PECR: variants seen among roughly 807,000 people sequenced by gnomAD.
PECR encodes peroxisomal trans-2-enoyl-CoA reductase.
A neutral mutation model predicts 35.3 loss-of-function variants in PECR; 30 were observed. That is an observed-to-expected ratio of 0.85 (90% CI 0.64 to 1.15). The LOEUF (loss-of-function observed/expected upper bound fraction) is 1.15. Among genes scored for constraint, PECR ranks in the 50% most tolerant of loss-of-function variants. The pLI, the probability that PECR is intolerant of heterozygous loss-of-function variation, is 0.00. For missense variants in PECR, 392 were observed against 370.8 expected (o/e 1.06, Z -0.47); for synonymous variants, 148 against 138.9 (o/e 1.07, Z -0.46).
intron 1 of PECR, among the ~76,000 whole-genome samples, 175 bp downstream of exon 1, chr2:216,081,443 T>C (rs1453754800): frequency 1.3e-5 from 2 of 152,170 alleles, no homozygotes; most frequent in African/African-American, 4.8e-5. Flanking sequence ...CACAATTCCT[T>C]AGGAAGAGCT....
chr2:216,051,145 G>T (rs147511113), intron 5 of PECR, among the ~76,000 whole-genome samples: 2 of 151,574 alleles, frequency 1.3e-5, no homozygotes, highest in Non-Finnish European at 2.9e-5. Flanking sequence ...AATTAGCTGG[G>T]CATGGTGGCT....
At chr2:216,033,831 C>G (rs1284786159), downstream of PECR, 1 of 152,320 alleles carries the variant, frequency 6.6e-6, no homozygotes, top group Admixed American at 6.5e-5. Flanking sequence ...AAAGCTGAAA[C>G]TAACCCACAG....
At chr2:216,046,306 A>G (rs1170240669) in intron 6 of PECR, among the ~76,000 whole-genome samples, 6 of 115,498 alleles carry the variant, frequency 5.2e-5, no homozygotes, top group African/African-American at 2.4e-4. Flanking sequence ...ATATATATAT[A>G]TATATTTTTT....
intron 7 of PECR, among the ~76,000 whole-genome samples, chr2:216,042,827 GC>G (rs1285528598): frequency 6.6e-6 from 1 of 151,508 alleles, no homozygotes; most frequent in Non-Finnish European, 1.5e-5. Context: ...CATGATCTTG[GC>G]TCACTGCAAT....
chr2:216,047,604 T>C (rs1695020618), intron 6 of PECR, among the ~76,000 whole-genome samples: 2 of 152,252 alleles, frequency 1.3e-5, no homozygotes, highest in South Asian at 4.1e-4. Flanking sequence ...ATTTTTAATA[T>C]GTTTCATTAC....
intron 3 of PECR, among the ~76,000 whole-genome samples, chr2:216,062,593 T>C (rs1695378050): frequency 6.6e-6 from 1 of 152,200 alleles, no homozygotes; most frequent in Non-Finnish European, 1.5e-5. Flanking sequence ...GTCGGGACTT[T>C]AGGGCAGTCA....
At chr2:216,074,989 C>T (rs751482836) in intron 1 of PECR, among the ~76,000 whole-genome samples, 1 of 152,152 alleles carries the variant, frequency 6.6e-6, no homozygotes, top group Non-Finnish European at 1.5e-5. Context: ...CATTGAAAAA[C>T]ACAAGATATG....
chr2:216,041,546 AC>A (rs1694886764), intron 7 of PECR, among the ~76,000 whole-genome samples: 1 of 152,210 alleles, frequency 6.6e-6, no homozygotes, highest in Non-Finnish European at 1.5e-5. Flanking sequence ...TTGGTCTTCA[AC>A]CCCATCTCCC....
rs1170890806 is a variant in PECR at position 216,081,648 on chromosome 2, T to C, written c.94A>G (p.Lys32Glu). 2 of 1,613,582 alleles carry C rather than the reference T, an allele frequency of 1.2e-6. No individual in the cohort carries two copies. Among genetic ancestry groups the C allele is most frequent in the South Asian group, 2.2e-5 (2 of 91,078 alleles). ...IVTGGATGIG[K>E]AIVKELLELG... ...TCCAGGAGCTCCTTCACGATGGCTT[T>C]TCCGATGCCCGTGGCCCCGCCGGTG... is the stretch of plus-strand genomic sequence containing the variant. Residue 32 changes from lysine to glutamate, a missense_variant, in exon 1 of 8, where the codon AAA (lysine) becomes GAA (glutamate). Physicochemically the swap from Lys to Glu is moderately conservative, Grantham distance 56. Transcript: ENST00000265322.
At chr2:216,063,486 T>G (rs1397494232) in intron 3 of PECR, among the ~76,000 whole-genome samples, 3 of 151,818 alleles carry the variant, frequency 2.0e-5, no homozygotes, top group Non-Finnish European at 4.4e-5. Flanking sequence ...GATGTGGTGG[T>G]GAATGCCTGT....
At chr2:216,031,469 A>AAG (rs1559203881) in intron 7 of PECR, among the ~76,000 whole-genome samples, 4 of 126,580 alleles carry the variant, frequency 3.2e-5, no homozygotes, top group African/African-American at 1.2e-4. Context: ...GAAAGAAAGA[A>AAG]AGAAAGAGAA....
chr2:216,048,538 C>A (rs940088889), intron 6 of PECR, among the ~76,000 whole-genome samples: 1 of 151,582 alleles, frequency 6.6e-6, no homozygotes, highest in Non-Finnish European at 1.5e-5. Flanking sequence ...GGTGAAACTT[C>A]GCCTCTACTA....
Position 216,051,503 on chromosome 2 carries a change from T to C in PECR, c.549A>G (p.Lys183=), listed in dbSNP as rs1452596782. ...AARAGVYNLT[K]SLALEWACSG... ...TGCAGGCCCATTCCAAAGCTAAAGA[T>C]TTGGTGAGGTTGTAAACACCTGCTC... Residue 183 remains lysine (K), a synonymous_variant, in exon 5 of 8, where the codon AAA becomes AAG. Coordinates refer to ENST00000265322, the MANE Select transcript of PECR (RefSeq NM_018441.6). 2 of 1,613,360 alleles carry C rather than the reference T, an allele frequency of 1.2e-6. No homozygotes were observed. Among genetic ancestry groups the C allele is most frequent in the Non-Finnish European group, 1.7e-6 (2 of 1,179,318 alleles).
At chr2:216,074,035 A>C (rs563739697) in intron 1 of PECR, among the ~76,000 whole-genome samples, 1 of 152,372 alleles carries the variant, frequency 6.6e-6, no homozygotes, top group South Asian at 2.1e-4. Flanking sequence ...TAAGCACCCC[A>C]GGACAAGCCA....
intron 7 of PECR, among the ~76,000 whole-genome samples, chr2:216,031,879 T>C (rs1221781089): frequency 6.6e-6 from 1 of 152,206 alleles, no homozygotes; most frequent in Admixed American, 6.5e-5. Context: ...TTTATCTTCC[T>C]CCTCATCTTT....
At chr2:216,054,287 C>CA (rs1200177691) in intron 4 of PECR, among the ~76,000 whole-genome samples, 86 of 69,766 alleles carry the variant, frequency 1.2e-3, no homozygotes, top group East Asian at 2.3e-3. Context: ...AACTCCATCT[C>CA]AAAAAAAAAA....
intron 1 of PECR, among the ~76,000 whole-genome samples, chr2:216,077,150 G>A (rs572712885): frequency 2.1e-3 from 313 of 151,936 alleles, no homozygotes; most frequent in African/African-American, 7.0e-3. Context: ...CGCCCACCTC[G>A]GCCTCCCAAA....
downstream of PECR, among the ~76,000 whole-genome samples, chr2:216,035,518 T>C (rs141294502): frequency 2.0e-4 from 31 of 151,398 alleles, no homozygotes; most frequent in Admixed American, 5.9e-4. Context: ...GACAGGGTCT[T>C]ACTCTGTCAC....
At chr2:216,042,655 TA>T (rs1694907676) in intron 7 of PECR, among the ~76,000 whole-genome samples, 1 of 152,222 alleles carries the variant, frequency 6.6e-6, no homozygotes, top group African/African-American at 2.4e-5. Flanking sequence ...TGTGATCTTT[TA>T]GGACCCTTCA....
Sources: gnomAD v4.1 joint callset for allele counts (sites outside exome capture counted in the v4.1 genomes callset) on GRCh38, gnomAD v4.1.1 for gene constraint, MANE v1.5 for transcripts, NCBI Gene and HGNC (gene_info 2026-07-23, HGNC 2026-07-21) for gene names.